DPYD: variants seen among roughly 807,000 people sequenced by gnomAD.
DPYD encodes dihydropyrimidine dehydrogenase.
Under a neutral mutation model 116.2 loss-of-function variants are expected in DPYD, and 109 were observed. That is an observed-to-expected ratio of 0.94 (90% confidence interval 0.80 to 1.10). The LOEUF is 1.10. Among genes scored for constraint, DPYD ranks in the 50% least tolerant of loss-of-function variants. The pLI is 0.00. For synonymous variants in DPYD, 440 were observed against 432.0 expected (o/e 1.02, Z -0.23); for missense variants, 1,302 against 1,254.5 (o/e 1.04, Z -0.57).
At chr1:97,474,927 CTT>C (rs887287836) in intron 13 of DPYD, among the ~76,000 whole-genome samples, 24 of 151,788 alleles carry the variant, frequency 1.6e-4, no homozygotes, top group African/African-American at 5.3e-4. Flanking sequence ...AAAATTATAT[CTT>C]ATATCTATGA....
intron 16 of DPYD, among the ~76,000 whole-genome samples, chr1:97,362,639 A>T (rs1314038928): frequency 6.6e-6 from 1 of 152,220 alleles, no homozygotes; most frequent in African/African-American, 2.4e-5. Flanking sequence ...AGGCCTCAGA[A>T]ATAACATCAC....
intron 18 of DPYD, among the ~76,000 whole-genome samples, chr1:97,283,941 G>C (rs570796138): frequency 6.6e-6 from 1 of 152,160 alleles, no homozygotes; most frequent in Admixed American, 6.6e-5. Context: ...TTTATAAAAT[G>C]ATTCTTTGTG....
chr1:97,586,779 TC>T (rs1290843985), intron 10 of DPYD, among the ~76,000 whole-genome samples: 1 of 151,918 alleles, frequency 6.6e-6, no homozygotes, highest in Admixed American at 6.6e-5. Flanking sequence ...CCTGTCAGTT[TC>T]TTTATACTCA....
chr1:97,551,090 T>C lies in DPYD; in HGVS notation c.1340-1346A>G, dbSNP rs187686322. On this transcript the variant is annotated intron_variant, in intron 11 of 22. Transcript: ENST00000370192. The stretch of plus-strand genomic sequence containing the variant: ...AGTTTTTGGAGCAGAGGACACTCAA[T>C]TGGATTGATGGATGAATGAATGAAT... Among the ~76,000 whole-genome samples, 6 of 152,224 alleles carry C rather than the reference T, an allele frequency of 3.9e-5. No homozygotes were observed. In the East Asian group the frequency reaches 9.7e-4, roughly 25 times the overall value.
At chr1:97,921,059 C>T (rs529162686), upstream of DPYD, 4 of 1,123,238 alleles carry the variant, frequency 3.6e-6, no homozygotes, top group South Asian at 2.8e-5. Flanking sequence ...GGGGGCGGAG[C>T]GGGCGCGGGG....
At chr1:97,713,292 T>C (rs1000846146) in intron 5 of DPYD, among the ~76,000 whole-genome samples, 1 of 152,114 alleles carries the variant, frequency 6.6e-6, no homozygotes, top group African/African-American at 2.4e-5. Flanking sequence ...GGCAACGAAA[T>C]AGTATAAATT....
At chr1:97,243,199 T>A (rs1340124365) in intron 18 of DPYD, among the ~76,000 whole-genome samples, 1 of 151,882 alleles carries the variant, frequency 6.6e-6, no homozygotes, top group Non-Finnish European at 1.5e-5. Flanking sequence ...TAACTTATTC[T>A]TGGTAGTTTA....
chr1:97,772,929 G>A (rs545094010), intron 3 of DPYD, among the ~76,000 whole-genome samples: 105 of 152,340 alleles, frequency 6.9e-4, no homozygotes, highest in Non-Finnish European at 1.1e-3. Context: ...GCTCTATACA[G>A]ATGATTTTCC....
chr1:97,122,387 A>G (rs2101648028), intron 20 of DPYD, among the ~76,000 whole-genome samples: 1 of 152,292 alleles, frequency 6.6e-6, no homozygotes, highest in South Asian at 2.1e-4. Context: ...AGTCAAGTAA[A>G]TAAGTATTTA....
intron 6 of DPYD, among the ~76,000 whole-genome samples, chr1:97,693,364 T>TA: frequency 6.7e-6 from 1 of 149,246 alleles, no homozygotes; most frequent in South Asian, 2.1e-4. Flanking sequence ...ATCAAAGCTG[T>TA]ACACTAAAGG....
Position 97,748,451 on chromosome 1 carries a change from T to A in DPYD, c.234-7972A>T, listed in dbSNP as rs149443287. Among the ~76,000 whole-genome samples, 51 of 151,748 alleles carry A rather than the reference T, an allele frequency of 3.4e-4. 1 individual carries two copies. In the East Asian group the frequency reaches 9.7e-3, roughly 29 times the overall value. On this transcript the variant is annotated intron_variant, in intron 3 of 22. Coordinates refer to ENST00000370192, the MANE Select transcript of DPYD (RefSeq NM_000110.4). ...GTGAAACCCCATCTCTACTAAAAAT[T>A]CAAAAAAATTAGCCAGGCGTGGTGG...
chr1:97,460,499 C>T (rs886430366), intron 13 of DPYD, among the ~76,000 whole-genome samples: 6 of 152,214 alleles, frequency 3.9e-5, no homozygotes, highest in South Asian at 2.1e-4. Context: ...CTCAAAAAAA[C>T]GACACCCTGA....
At chr1:97,192,247 G>A (rs1250644234) in intron 20 of DPYD, among the ~76,000 whole-genome samples, 1 of 151,722 alleles carries the variant, frequency 6.6e-6, no homozygotes. Flanking sequence ...GAGTACCCAG[G>A]GCTTTTGTTT....
intron 8 of DPYD, among the ~76,000 whole-genome samples, chr1:97,615,244 A>G (rs1656193205): frequency 6.6e-6 from 1 of 152,116 alleles, no homozygotes; most frequent in African/African-American, 2.4e-5. Flanking sequence ...GATGTCCAAA[A>G]TGCGATTCTT....
intron 14 of DPYD, among the ~76,000 whole-genome samples, chr1:97,393,779 T>C (rs1171218035): frequency 6.6e-6 from 1 of 152,176 alleles, no homozygotes; most frequent in African/African-American, 2.4e-5. Flanking sequence ...TATAGCAGCA[T>C]GATTTATAAT....
At chr1:97,082,541 A>G in intron 21 of DPYD, 71 bp from the exon 22 acceptor site, 1 of 1,563,550 alleles carries the variant, frequency 6.4e-7, no homozygotes, top group Admixed American at 1.7e-5. Context: ...AATATCACTC[A>G]GCATTTTCCT....
chr1:97,335,502 A>C (rs540734786), intron 16 of DPYD, among the ~76,000 whole-genome samples: 43 of 152,144 alleles, frequency 2.8e-4, no homozygotes, highest in Non-Finnish European at 5.6e-4. Context: ...CAGGGTGTGA[A>C]GGTGGAATCT....
At chr1:97,485,807 T>C (rs1193782021) in intron 13 of DPYD, among the ~76,000 whole-genome samples, 1 of 152,182 alleles carries the variant, frequency 6.6e-6, no homozygotes, top group Non-Finnish European at 1.5e-5. Flanking sequence ...GTTGGCTAAG[T>C]AACTTACAAT....
intron 16 of DPYD, among the ~76,000 whole-genome samples, chr1:97,358,958 G>A (rs569078971): frequency 6.6e-6 from 1 of 152,144 alleles, no homozygotes; most frequent in East Asian, 1.9e-4. Flanking sequence ...GATGGAGAAT[G>A]ATTTTGACAA....
Sources: gnomAD v4.1 joint callset for allele counts (sites outside exome capture counted in the v4.1 genomes callset) on GRCh38, gnomAD v4.1.1 for gene constraint, MANE v1.5 for transcripts, NCBI Gene and HGNC (gene_info 2026-07-23, HGNC 2026-07-21) for gene names.